SLC6A11: variants seen among roughly 807,000 people sequenced by gnomAD.
SLC6A11 encodes sodium- and chloride-dependent GABA transporter 3.
SLC6A11 carries 25 observed loss-of-function variants against 74.8 expected under a neutral mutation model. That is an observed-to-expected ratio of 0.33 (90% CI 0.24 to 0.47). The LOEUF is 0.47. Ranked by LOEUF, SLC6A11 falls within the 20% of genes least tolerant of loss-of-function variation. The pLI is 1.00. For missense variants in SLC6A11, 574 were observed against 837.0 expected, an observed-to-expected ratio of 0.69 and a Z score of 3.88; for synonymous variants, 330 against 330.2, an observed-to-expected ratio of 1.00 and a Z score of 0.01.
Position 10,899,950 on chromosome 3 carries a change from C to G in SLC6A11, c.892-12140C>G, listed in dbSNP as rs117864719. ...GGATGGCTGGGCTGGATGATTCTCT[C>G]TTGCAGGTTTCTGCTCGCTCACTAT... On this transcript the variant is annotated intron_variant, in intron 6 of 13. Transcript: ENST00000254488. 2.2e-4 allele frequency among the ~76,000 whole-genome samples: 33 copies of G among 152,324 alleles called. No individual in the cohort carries two copies. The East Asian group carries it at 6.2e-3, about 29-fold the overall frequency.
At chr3:10,921,466 TAAGAGGTAGAGCTAAA>T (rs1695536256) in intron 8 of SLC6A11, among the ~76,000 whole-genome samples, 1 of 151,944 alleles carries the variant, frequency 6.6e-6, no homozygotes, top group Admixed American at 6.5e-5. Context: ...AGAAAAATAA[TAAGAGGTAGAGCTAAA>T]AAGCTAGTAG....
intron 8 of SLC6A11, among the ~76,000 whole-genome samples, chr3:10,922,256 T>C (rs954899320): frequency 6.6e-6 from 1 of 152,138 alleles, no homozygotes; most frequent in Non-Finnish European, 1.5e-5. Context: ...TTTCATGAAA[T>C]TGAGACCCAT....
intron 5 of SLC6A11, among the ~76,000 whole-genome samples, chr3:10,862,209 G>A (rs570480834): frequency 2.2e-4 from 33 of 152,286 alleles, no homozygotes; most frequent in African/African-American, 7.7e-4. Flanking sequence ...AGATGGATGG[G>A]GTTTAAATCA....
chr3:10,883,766 G>C (rs1036826625), intron 6 of SLC6A11, among the ~76,000 whole-genome samples: 6 of 152,042 alleles, frequency 3.9e-5, no homozygotes, highest in African/African-American at 1.4e-4. Flanking sequence ...CTGGCTGTTG[G>C]ACTTTCAAAC....
At chr3:10,897,305 C>G (rs1003405396) in intron 6 of SLC6A11, among the ~76,000 whole-genome samples, 8 of 152,156 alleles carry the variant, frequency 5.3e-5, no homozygotes, top group African/African-American at 1.9e-4. Context: ...CAACAGTCCC[C>G]CAAAGTCTTA....
intron 6 of SLC6A11, among the ~76,000 whole-genome samples, chr3:10,908,631 T>C (rs1695343837): frequency 1.3e-5 from 2 of 152,172 alleles, no homozygotes; most frequent in Admixed American, 1.3e-4. Flanking sequence ...TTTCCCCCCA[T>C]CTGTCTCTCC....
At chr3:10,868,655 G>A (rs1006003941) in intron 5 of SLC6A11, among the ~76,000 whole-genome samples, 1 of 152,182 alleles carries the variant, frequency 6.6e-6, no homozygotes, top group African/African-American at 2.4e-5. Flanking sequence ...CTGGGTCTGG[G>A]CCACTACTGG....
At chr3:10,879,836 C>T (rs1054185477) in intron 6 of SLC6A11, among the ~76,000 whole-genome samples, 6 of 151,930 alleles carry the variant, frequency 3.9e-5, no homozygotes, top group Admixed American at 6.6e-5. Context: ...TTCTGTGTAC[C>T]GACATGGCTC....
At chr3:10,882,688 G>A (rs866295218) in intron 6 of SLC6A11, among the ~76,000 whole-genome samples, 2 of 152,166 alleles carry the variant, frequency 1.3e-5, no homozygotes, top group African/African-American at 2.4e-5. Context: ...TTTGCGTTAC[G>A]GTTGCAGTTG....
Position 10,917,283 on chromosome 3 carries a change from A to G in SLC6A11, c.996-1046A>G, listed in dbSNP as rs552302611. ...AATACAATATGAGAAAGTTCTTAGC[A>G]CGCTAAGCAGTAAGAGCTGTCCAAC... On this transcript the variant is annotated intron_variant, in intron 7 of 13. Transcript: ENST00000254488. Among the ~76,000 whole-genome samples the G allele has an allele frequency of 6.5e-4, 99 of 152,330 alleles. 1 individual carries two copies. Among genetic ancestry groups the G allele is most frequent in the Non-Finnish European group, 1.3e-3 (86 of 68,032 alleles).
chr3:10,929,059 G>T, intron 9 of SLC6A11, 143 bp from the exon 10 acceptor site: 1 of 825,016 alleles, frequency 1.2e-6, no homozygotes, highest in Admixed American at 2.3e-5. Context: ...TGGGATGACT[G>T]TTATCCTCAG....
chr3:10,925,664 A>G (rs369881241), intron 8 of SLC6A11, among the ~76,000 whole-genome samples: 48 of 152,302 alleles, frequency 3.2e-4, no homozygotes, highest in African/African-American at 1.1e-3. Flanking sequence ...ATCGCTGGGT[A>G]GGCCTGAGAA....
intron 7 of SLC6A11, among the ~76,000 whole-genome samples, chr3:10,917,591 G>A (rs1046115037): frequency 6.6e-6 from 1 of 152,158 alleles, no homozygotes; most frequent in East Asian, 1.9e-4. Flanking sequence ...GCCGGGACTC[G>A]AGGGTACCGT....
Position 10,940,444 on chromosome 3 carries a change from T to C in SLC6A11, c.*2042T>C, listed in dbSNP as rs1192020476. On this transcript the variant is annotated 3_prime_UTR_variant, in exon 14 of 14. Transcript: ENST00000254488. ...ACTACTCATGGGGCAGGGCGGAGGG[T>C]GGATTGTTGCTTTTTGTTTTTTGTA... 1 of 150,330 alleles carries C rather than the reference T, an allele frequency of 6.7e-6. No individual in the cohort carries two copies. 9.3% of individuals were successfully genotyped at this position (150,330 alleles called of 1,614,324 possible). A position where few individuals can be genotyped will look rare whatever the true frequency, so the allele number is the denominator to read the frequency against.
At chr3:10,855,528 G>A (rs1694628700) in intron 5 of SLC6A11, among the ~76,000 whole-genome samples, 1 of 152,202 alleles carries the variant, frequency 6.6e-6, no homozygotes, top group African/African-American at 2.4e-5. Context: ...ATCCAGCTGA[G>A]CATCCCTGTT....
intron 3 of SLC6A11, among the ~76,000 whole-genome samples, chr3:10,822,760 T>G (rs9835618): frequency 0.33 from 50,682 of 152,056 alleles, 10,810 homozygotes; most frequent in African/African-American, 0.61. Context: ...TGACTGGATC[T>G]AGTGAGGGAA....
At chr3:10,876,390 G>A (rs562000552) in intron 6 of SLC6A11, among the ~76,000 whole-genome samples, 1 of 152,302 alleles carries the variant, frequency 6.6e-6, no homozygotes, top group South Asian at 2.1e-4. Flanking sequence ...AGCAGTTTTG[G>A]AGAACATATT....
intron 7 of SLC6A11, among the ~76,000 whole-genome samples, chr3:10,916,570 T>C (rs1317021473): frequency 1.3e-5 from 2 of 152,174 alleles, no homozygotes; most frequent in Non-Finnish European, 2.9e-5. Flanking sequence ...GAAGTTCTCA[T>C]AGAAAATCAC....
chr3:10,925,287 A>C (rs1695588400), intron 8 of SLC6A11, among the ~76,000 whole-genome samples: 1 of 152,210 alleles, frequency 6.6e-6, no homozygotes, highest in Non-Finnish European at 1.5e-5. Context: ...TTATTGTGTC[A>C]TCTCACTGAA....
Sources: gnomAD v4.1 joint callset for allele counts (sites outside exome capture counted in the v4.1 genomes callset) on GRCh38, gnomAD v4.1.1 for gene constraint, MANE v1.5 for transcripts, NCBI Gene and HGNC (gene_info 2026-07-23, HGNC 2026-07-21) for gene names.